ADAM22: variants seen among roughly 807,000 people sequenced by gnomAD.
ADAM22 encodes disintegrin and metalloproteinase domain-containing protein 22.
In ADAM22, 65 loss-of-function variants were observed where a neutral mutation model predicts 144.6. That is an observed-to-expected ratio of 0.45 (90% CI 0.37 to 0.55). The LOEUF is 0.55. Among genes scored for constraint, ADAM22 ranks in the 20% least tolerant of loss-of-function variants. The pLI, the probability that ADAM22 is intolerant of heterozygous loss-of-function variation, is 0.00. For synonymous variants in ADAM22, 391 were observed against 412.6 expected (o/e 0.95, Z 0.63); for missense variants, 974 against 1,184.9 (o/e 0.82, Z 2.61).
At position 88,185,376 on chromosome 7, in the gene ADAM22, A is replaced by G. The variant is rs1415395159; in HGVS notation, c.2664-1239A>G. 5.9e-5 allele frequency among the ~76,000 whole-genome samples: 9 copies of G among 152,342 alleles called. No homozygotes were observed. The East Asian group carries it at 1.7e-3, about 29-fold the overall frequency. On this transcript the variant is annotated intron_variant, in intron 29 of 31. Transcript: ENST00000413139. Reference sequence around the variant, plus strand: ...GTGGAAAAAATAACCTGATATTTTTATATAATTGGAAATGTAGTCTTCCAT... The same window carrying G: ...GTGGAAAAAATAACCTGATATTTTTGTATAATTGGAAATGTAGTCTTCCAT...
chr7:87,972,398 G>A (rs1000346593), intron 2 of ADAM22, among the ~76,000 whole-genome samples: 1 of 151,830 alleles, frequency 6.6e-6, no homozygotes, highest in Non-Finnish European at 1.5e-5. Context: ...ACCTCTTCAA[G>A]GAGAACTACA....
chr7:87,938,076 A>G (rs376512870), intron 2 of ADAM22, among the ~76,000 whole-genome samples: 2 of 152,180 alleles, frequency 1.3e-5, no homozygotes, highest in African/African-American at 2.4e-5. Flanking sequence ...TTCTTGCACT[A>G]TTGGCATTTC....
chr7:87,985,218 C>G (rs1266699381), intron 3 of ADAM22, among the ~76,000 whole-genome samples: 1 of 150,476 alleles, frequency 6.6e-6, no homozygotes, highest in Admixed American at 6.7e-5. Flanking sequence ...GAGGCTGAGG[C>G]AAGAGAATGG....
At chr7:88,001,493 A>T (rs774957622) in intron 3 of ADAM22, among the ~76,000 whole-genome samples, 1 of 152,222 alleles carries the variant, frequency 6.6e-6, no homozygotes, top group Admixed American at 6.5e-5. Flanking sequence ...TATGAAAAGC[A>T]GTAGAAACTC....
chr7:88,100,542 C>G (rs1362102684), intron 4 of ADAM22, among the ~76,000 whole-genome samples: 1 of 152,194 alleles, frequency 6.6e-6, no homozygotes, highest in Non-Finnish European at 1.5e-5. Context: ...TGAATCCAGT[C>G]TGATTCTGTA....
chr7:88,107,175 T>C (rs2129487544), intron 4 of ADAM22, among the ~76,000 whole-genome samples: 1 of 151,874 alleles, frequency 6.6e-6, no homozygotes, highest in Admixed American at 6.6e-5. Flanking sequence ...AGTATTGCTT[T>C]GCTGCTGCTC....
At chr7:87,976,483 C>T (rs1358520253) in intron 2 of ADAM22, among the ~76,000 whole-genome samples, 7 of 152,142 alleles carry the variant, frequency 4.6e-5, no homozygotes, top group African/African-American at 1.7e-4. Context: ...TCAGGAGAAA[C>T]CAAATCTACC....
At chr7:88,166,032 A>T (rs1842874087) in intron 24 of ADAM22, 86 bp downstream of exon 24, 2 of 888,072 alleles carry the variant, frequency 2.3e-6, no homozygotes, top group Non-Finnish European at 3.3e-6. Context: ...AGTTATTTTT[A>T]TGATAATCAG....
rs1851198698 is a variant in ADAM22, at chr7:88,201,480, ATTGTC to A, written c.*4990_*4994del. 1.3e-5 allele frequency: 2 copies of A among 152,288 alleles called. No homozygotes were observed. Among genetic ancestry groups the A allele is most frequent in the Admixed American group, 1.3e-4 (2 of 15,272 alleles). 9.4% of individuals were successfully genotyped at this position (152,288 alleles called of 1,614,324 possible). A position where few individuals can be genotyped will look rare whatever the true frequency, so the allele number is the denominator to read the frequency against. On this transcript the variant is annotated 3_prime_UTR_variant, in exon 32 of 32. Transcript: ENST00000413139. ...AGGCCAGATATGCAGGAGAGCACAC[ATTGTC>A]ACAAGGGGTGTGGTGGGAAGAGAGG... is the stretch of plus-strand genomic sequence containing the variant.
At chr7:87,943,858 A>G (rs1163673678) in intron 2 of ADAM22, among the ~76,000 whole-genome samples, 1 of 152,144 alleles carries the variant, frequency 6.6e-6, no homozygotes, top group Non-Finnish European at 1.5e-5. Context: ...CTCCTTTTTA[A>G]AATTTAATTT....
intron 4 of ADAM22, among the ~76,000 whole-genome samples, chr7:88,082,469 A>C (rs1274814910): frequency 5.3e-5 from 8 of 152,144 alleles, no homozygotes; most frequent in African/African-American, 1.9e-4. Context: ...ATGGCAACAA[A>C]AGCCAAAATT....
chr7:88,144,961 T>C (rs1362793481), intron 15 of ADAM22, among the ~76,000 whole-genome samples, 164 bp from the exon 16 acceptor site: 1 of 152,142 alleles, frequency 6.6e-6, no homozygotes, highest in Non-Finnish European at 1.5e-5. Context: ...ACTTCTGTTT[T>C]AAAGTTCCAA....
At chr7:87,972,686 C>A (rs1470977656) in intron 2 of ADAM22, among the ~76,000 whole-genome samples, 1 of 152,112 alleles carries the variant, frequency 6.6e-6, no homozygotes, top group Non-Finnish European at 1.5e-5. Context: ...TCACACTATA[C>A]CTACAAAGCT....
chr7:88,049,174 T>G lies in ADAM22; in HGVS notation c.324-26452T>G, dbSNP rs372474549. ...GGCCTCCACCTGAGGCTTTAATGAC[T>G]GCTAACTAGCAGATTTCAAGCTCTT... On this transcript the variant is annotated intron_variant, in intron 3 of 31. Coordinates refer to ENST00000413139, the MANE Select transcript of ADAM22 (RefSeq NM_001324418.2). Among the ~76,000 whole-genome samples the G allele has an allele frequency of 1.1e-4, 17 of 152,350 alleles. No homozygotes were observed. The South Asian group carries it at 1.9e-3, about 17-fold the overall frequency.
At chr7:88,182,104 A>G in intron 29 of ADAM22, 80 bp downstream of exon 29, 1 of 1,234,190 alleles carries the variant, frequency 8.1e-7, no homozygotes, top group Non-Finnish European at 1.2e-6. Flanking sequence ...GCAGATAGTC[A>G]AAGAACTGTA....
chr7:88,021,353 T>G (rs1797790014), intron 3 of ADAM22, among the ~76,000 whole-genome samples: 1 of 152,202 alleles, frequency 6.6e-6, no homozygotes. Flanking sequence ...GTGGGGATTA[T>G]TTTTACAGAG....
intron 3 of ADAM22, among the ~76,000 whole-genome samples, chr7:87,988,108 T>G (rs1562928508): frequency 3.9e-5 from 6 of 152,208 alleles, no homozygotes; most frequent in Admixed American, 2.6e-4. Flanking sequence ...AGTGACTATT[T>G]AAATGAAAAT....
chr7:88,060,819 C>A (rs1199059294), intron 3 of ADAM22, among the ~76,000 whole-genome samples: 1 of 147,822 alleles, frequency 6.8e-6, no homozygotes, highest in East Asian at 2.0e-4. Context: ...TAAGAAGTGA[C>A]TCGGCCAGGT....
chr7:87,964,183 A>T (rs2129445761), intron 2 of ADAM22, among the ~76,000 whole-genome samples: 1 of 152,214 alleles, frequency 6.6e-6, no homozygotes, highest in East Asian at 1.9e-4. Flanking sequence ...CAGCACTAGA[A>T]AGTTTGCTTG....
Sources: gnomAD v4.1 joint callset for allele counts (sites outside exome capture counted in the v4.1 genomes callset) on GRCh38, gnomAD v4.1.1 for gene constraint, MANE v1.5 for transcripts, NCBI Gene and HGNC (gene_info 2026-07-23, HGNC 2026-07-21) for gene names.